Variants in CNTN4 observed in about 807,000 individuals in gnomAD.
The protein encoded by CNTN4 is contactin 4, also known as contactin-4.
CNTN4 carries 77 observed loss-of-function variants against 122.5 expected under a neutral mutation model. That is an observed-to-expected ratio of 0.63 (90% CI 0.52 to 0.76). The LOEUF is 0.76. CNTN4 is among the 30% of genes least tolerant of loss of function. The probability of loss-of-function intolerance (pLI) is 0.00; values close to 1 mark genes in which losing one functional copy is unlikely to be tolerated. For missense variants in CNTN4, 1,256 were observed against 1,259.1 expected (o/e 1.00, Z 0.04); for synonymous variants, 512 against 447.0 (o/e 1.15, Z -1.83).
chr3:2,488,235 A>G (rs1029757911), intron 3 of CNTN4, among the ~76,000 whole-genome samples: 2 of 152,254 alleles, frequency 1.3e-5, no homozygotes, highest in African/African-American at 4.8e-5. Flanking sequence ...GAAAATGTAC[A>G]GCAAGTCCTC....
chr3:3,039,557 A>G (rs1699951348), intron 19 of CNTN4: 2 of 188,956 alleles, frequency 1.1e-5, no homozygotes, highest in Admixed American at 1.1e-4. Flanking sequence ...AAAATCTCTC[A>G]TTTACCCAAA....
chr3:3,014,879 G>GTTTTTTTTTTTTTTTTTTTTT lies in CNTN4; in HGVS notation c.1487-11205_1487-11204insTTTTTTTTTTTTTTTTTTTTT, dbSNP rs5846238. ...TTTATACTTGCGTGACCCTCGATTG[G>GTTTTTTTTTTTTTTTTTTTTT]TTTTTTTTTTTTTTTTTTCTCTTTG... is the stretch of plus-strand genomic sequence containing the variant. On this transcript the variant is annotated intron_variant, in intron 14 of 24. Coordinates refer to ENST00000418658, the MANE Select transcript of CNTN4 (RefSeq NM_175607.3). Among the ~76,000 whole-genome samples the GTTTTTTTTTTTTTTTTTTTTT allele has an allele frequency of 3.3e-5, 4 of 121,544 alleles. 1 individual carries two copies. The highest frequency in any genetic ancestry group is 5.0e-5 in the Non-Finnish European group (3 of 60,008). 79.7% of individuals were successfully genotyped at this position (121,544 alleles called of 152,430 possible). A position where few individuals can be genotyped will look rare whatever the true frequency, so the allele number is the denominator to read the frequency against.
At chr3:2,144,664 A>T (rs1453662995) in intron 2 of CNTN4, among the ~76,000 whole-genome samples, 1 of 152,196 alleles carries the variant, frequency 6.6e-6, no homozygotes, top group African/African-American at 2.4e-5. Context: ...CTGACCCCAC[A>T]TCCTAATGTT....
intron 2 of CNTN4, among the ~76,000 whole-genome samples, chr3:2,206,118 C>T (rs758954040): frequency 3.3e-5 from 5 of 151,874 alleles, no homozygotes; most frequent in African/African-American, 7.3e-5. Flanking sequence ...TGGACCTTCT[C>T]CTCTTCTATT....
chr3:2,671,258 G>C (rs1457965609), intron 4 of CNTN4, among the ~76,000 whole-genome samples: 1 of 152,120 alleles, frequency 6.6e-6, no homozygotes, highest in East Asian at 1.9e-4. Context: ...TTTTCACATA[G>C]TCCCATTTTT....
intron 2 of CNTN4, among the ~76,000 whole-genome samples, chr3:2,231,383 C>G (rs977718744): frequency 1.3e-5 from 2 of 152,152 alleles, no homozygotes; most frequent in Admixed American, 6.5e-5. Flanking sequence ...TTAACTCCCC[C>G]ACATTTTGTC....
At chr3:2,981,208 G>T (rs190040891) in intron 13 of CNTN4, among the ~76,000 whole-genome samples, 1 of 152,302 alleles carries the variant, frequency 6.6e-6, no homozygotes, top group African/African-American at 2.4e-5. Flanking sequence ...ACTTTGGCAG[G>T]CCGAGGCAGG....
At chr3:2,617,475 C>G (rs1191324005) in intron 4 of CNTN4, among the ~76,000 whole-genome samples, 1 of 130,148 alleles carries the variant, frequency 7.7e-6, no homozygotes, top group East Asian at 2.2e-4. Context: ...GGCTGGAGTG[C>G]AGTGACATGA....
intron 2 of CNTN4, among the ~76,000 whole-genome samples, chr3:2,287,632 GAGAAGAAGAAGA>G (rs1210971247): frequency 8.1e-5 from 4 of 49,514 alleles, no homozygotes; most frequent in African/African-American, 2.8e-4. Context: ...GAAGGAGAAG[GAGAAGAAGAAGA>G]AGAAGAAGAA....
At chr3:2,693,165 G>T (rs1031367295) in intron 4 of CNTN4, among the ~76,000 whole-genome samples, 3 of 152,050 alleles carry the variant, frequency 2.0e-5, no homozygotes, top group Non-Finnish European at 4.4e-5. Context: ...ATTAGTATTT[G>T]ATATTTGGTT....
chr3:3,011,091 G>A (rs906646285), intron 14 of CNTN4, among the ~76,000 whole-genome samples: 2 of 152,184 alleles, frequency 1.3e-5, no homozygotes, highest in Non-Finnish European at 2.9e-5. Flanking sequence ...GATCTTCCCA[G>A]AAGCAACCCT....
At chr3:2,266,823 C>T (rs2041070267) in intron 2 of CNTN4, among the ~76,000 whole-genome samples, 1 of 152,106 alleles carries the variant, frequency 6.6e-6, no homozygotes, top group African/African-American at 2.4e-5. Context: ...GCTGCCACCA[C>T]AGTCAAGCAG....
intron 9 of CNTN4, among the ~76,000 whole-genome samples, chr3:2,885,569 A>T (rs992303221): frequency 6.6e-6 from 1 of 152,128 alleles, no homozygotes; most frequent in African/African-American, 2.4e-5. Context: ...TATTTCTACT[A>T]TCATTTATTC....
chr3:2,403,562 A>C (rs906454511), intron 3 of CNTN4, among the ~76,000 whole-genome samples: 1 of 152,172 alleles, frequency 6.6e-6, no homozygotes, highest in Non-Finnish European at 1.5e-5. Context: ...TAAGATAAGC[A>C]CTGAATAATT....
intron 4 of CNTN4, among the ~76,000 whole-genome samples, chr3:2,608,653 T>G (rs1003769032): frequency 1.3e-5 from 2 of 152,180 alleles, no homozygotes; most frequent in East Asian, 1.9e-4. Context: ...GGCTAATTTT[T>G]TCTCTTTTTA....
Position 2,709,141 on chromosome 3 carries a change from C to T in CNTN4, c.56-27074C>T, listed in dbSNP as rs2086943749. On this transcript the variant is annotated intron_variant, in intron 4 of 24. Coordinates refer to ENST00000418658, the MANE Select transcript of CNTN4 (RefSeq NM_175607.3). This position sits in a 1 kb window ranked among gnomAD's most constrained non-coding sequence, Gnocchi z 5.0. ...TAGATCGTTACAAATGAAGCCTTAC[C>T]ATTTGATGAAAATCCAGCAAAAATG... is the stretch of plus-strand genomic sequence containing the variant. Among the ~76,000 whole-genome samples the T allele has an allele frequency of 6.6e-6, 1 of 152,116 alleles. No homozygotes were observed. The highest frequency in any genetic ancestry group is 2.4e-5 in the African/African-American group (1 of 41,412).
intron 5 of CNTN4, among the ~76,000 whole-genome samples, chr3:2,737,521 T>C (rs762339462): frequency 1.1e-4 from 17 of 152,248 alleles, no homozygotes; most frequent in Non-Finnish European, 2.2e-4. Context: ...TTTGAAAACA[T>C]TAACAATTCA....
intron 2 of CNTN4, among the ~76,000 whole-genome samples, chr3:2,122,027 C>G (rs1378436986): frequency 7.0e-6 from 1 of 143,288 alleles, no homozygotes; most frequent in African/African-American, 2.5e-5. Context: ...GTGGTGGCGG[C>G]GCCTGTAGTC....
intron 3 of CNTN4, among the ~76,000 whole-genome samples, chr3:2,347,381 T>G (rs2044436763): frequency 6.7e-6 from 1 of 150,360 alleles, no homozygotes; most frequent in African/African-American, 2.4e-5. Context: ...AGCCAATGGA[T>G]GACTCCAAAG....
Sources: allele counts gnomAD v4.1 joint callset (sites outside exome capture counted in the v4.1 genomes callset), GRCh38; gene constraint gnomAD v4.1.1; non-coding constraint Gnocchi (gnomAD v3.1); transcripts MANE v1.5; gene names NCBI Gene and HGNC (gene_info 2026-07-23, HGNC 2026-07-21).